Variants in RBFOX1 observed in about 807,000 individuals in gnomAD.
RBFOX1 encodes RNA binding fox-1 homolog 1, also known as RNA binding protein fox-1 homolog 1.
A neutral mutation model predicts 57.7 loss-of-function variants in RBFOX1; 8 were observed. The ratio of observed to expected loss-of-function variants is 0.14; its 90% CI spans 0.08 to 0.25. The LOEUF is 0.25. Among genes scored for constraint, RBFOX1 ranks in the 10% least tolerant of loss-of-function variants. The probability of loss-of-function intolerance (pLI) is 1.00; values close to 1 mark genes in which losing one functional copy is unlikely to be tolerated. For missense variants in RBFOX1, 611 were observed against 548.5 expected (o/e 1.11, Z -1.14); for synonymous variants, 326 against 222.4 (o/e 1.47, Z -4.15).
chr16:6,015,883 G>A (rs189606276), upstream of RBFOX1, among the ~76,000 whole-genome samples: 15 of 152,294 alleles, frequency 9.8e-5, no homozygotes, highest in African/African-American at 2.4e-4. Flanking sequence ...TGGACTGTAC[G>A]CTTCTCGAGT....
At chr16:6,346,777 C>A (rs1344905514) in intron 2 of RBFOX1, among the ~76,000 whole-genome samples, 1 of 152,124 alleles carries the variant, frequency 6.6e-6, no homozygotes, top group Non-Finnish European at 1.5e-5. Context: ...GTAATTGAGG[C>A]TTGTCTTGGG....
chr16:5,975,304 A>G (rs530571136), intron 4 of RBFOX1, among the ~76,000 whole-genome samples: 1 of 152,320 alleles, frequency 6.6e-6, no homozygotes, highest in African/African-American at 2.4e-5. Context: ...ATGTTGGAGC[A>G]ATACATCACC....
intron 3 of RBFOX1, among the ~76,000 whole-genome samples, chr16:6,682,071 G>A (rs1363153031): frequency 6.6e-6 from 1 of 152,108 alleles, no homozygotes; most frequent in Non-Finnish European, 1.5e-5. Context: ...AGTTTGTTTT[G>A]CCCAATAGAA....
At chr16:6,275,688 T>A (rs1685162093) in intron 1 of RBFOX1, among the ~76,000 whole-genome samples, 1 of 152,200 alleles carries the variant, frequency 6.6e-6, no homozygotes, top group African/African-American at 2.4e-5. Flanking sequence ...ACATACCTAT[T>A]TTTAAAAAAC....
At chr16:5,616,358 G>T (rs910685736) in intron 3 of RBFOX1, among the ~76,000 whole-genome samples, 7 of 152,248 alleles carry the variant, frequency 4.6e-5, no homozygotes, top group African/African-American at 1.7e-4. Context: ...CTCATCTCTG[G>T]GCCCAGCTTG....
chr16:6,018,719 G>A (rs991710169), upstream of RBFOX1, among the ~76,000 whole-genome samples: 16 of 152,182 alleles, frequency 1.1e-4, no homozygotes, highest in Non-Finnish European at 2.4e-4. Context: ...GGGGCAAGAA[G>A]CTGCCTCCAC....
chr16:5,573,404 T>G (rs918534112), intron 2 of RBFOX1, among the ~76,000 whole-genome samples: 1 of 152,184 alleles, frequency 6.6e-6, no homozygotes, highest in Admixed American at 6.5e-5. Flanking sequence ...TTTGGGTGCT[T>G]CTTAAAATGC....
intron 4 of RBFOX1, among the ~76,000 whole-genome samples, chr16:7,351,675 G>A (rs991974498): frequency 6.6e-6 from 1 of 151,994 alleles, no homozygotes; most frequent in Admixed American, 6.6e-5. Flanking sequence ...TTCGCTTCCT[G>A]GGTTTGCCTT....
At chr16:7,020,175 C>T (rs999390063) in intron 3 of RBFOX1, among the ~76,000 whole-genome samples, 3 of 152,068 alleles carry the variant, frequency 2.0e-5, no homozygotes, top group Non-Finnish European at 2.9e-5. Flanking sequence ...CTTTATACCT[C>T]TGTGTAAATC....
intron 4 of RBFOX1, among the ~76,000 whole-genome samples, chr16:5,901,925 G>T (rs1042789483): frequency 5.3e-5 from 8 of 151,974 alleles, no homozygotes; most frequent in African/African-American, 1.9e-4. Flanking sequence ...GCCTTCTTTG[G>T]TTCTCCACCT....
chr16:7,282,900 C>G (rs997710952), intron 4 of RBFOX1, among the ~76,000 whole-genome samples: 1 of 152,148 alleles, frequency 6.6e-6, no homozygotes, highest in Non-Finnish European at 1.5e-5. Flanking sequence ...GTTGCTGCAA[C>G]TGCGATTAAT....
chr16:7,394,065 A>T (rs1401701374), intron 4 of RBFOX1, among the ~76,000 whole-genome samples: 2 of 151,820 alleles, frequency 1.3e-5, no homozygotes, highest in Non-Finnish European at 2.9e-5. Context: ...GTGAAACCCC[A>T]TCTCTACGAA....
chr16:6,849,826 C>G (rs1455036357), intron 3 of RBFOX1, among the ~76,000 whole-genome samples: 2 of 152,180 alleles, frequency 1.3e-5, no homozygotes, highest in African/African-American at 2.4e-5. Context: ...CTCTCTCCCT[C>G]TTTTCTTTGT....
intron 1 of RBFOX1, chr16:5,270,067 G>C (rs2062966833): frequency 5.0e-6 from 1 of 200,376 alleles, no homozygotes; most frequent in African/African-American, 2.4e-5. Context: ...GACTGAGGTG[G>C]GCAGATCACT....
intron 3 of RBFOX1, among the ~76,000 whole-genome samples, chr16:5,848,354 C>G (rs1030045104): frequency 2.0e-5 from 3 of 152,178 alleles, no homozygotes; most frequent in Admixed American, 6.5e-5. Context: ...GGCTCTGGAT[C>G]TCTGGTCTCT....
At chr16:7,019,776 G>A (rs2094113064) in intron 3 of RBFOX1, among the ~76,000 whole-genome samples, 1 of 152,144 alleles carries the variant, frequency 6.6e-6, no homozygotes, top group African/African-American at 2.4e-5. Flanking sequence ...GGTTTAGCTT[G>A]TACAAGGAAA....
intron 2 of RBFOX1, among the ~76,000 whole-genome samples, chr16:6,392,966 C>G (rs145502030): frequency 2.0e-5 from 3 of 152,164 alleles, no homozygotes; most frequent in African/African-American, 4.8e-5. Context: ...TTCATAATTG[C>G]TTGTTTCAAG....
chr16:6,548,186 G>T (rs575335306), intron 2 of RBFOX1, among the ~76,000 whole-genome samples: 1 of 142,930 alleles, frequency 7.0e-6, no homozygotes, highest in South Asian at 2.1e-4. Flanking sequence ...TGAGTCTTGG[G>T]TATTGCCATC....
intron 1 of RBFOX1, among the ~76,000 whole-genome samples, chr16:5,254,614 C>G (rs760137310): frequency 6.6e-6 from 1 of 152,156 alleles, no homozygotes; most frequent in Admixed American, 6.5e-5. Context: ...TTTCTCTGTT[C>G]GAGATTGCTT....
Sources: gnomAD v4.1 joint callset for allele counts (sites outside exome capture counted in the v4.1 genomes callset) on GRCh38, gnomAD v4.1.1 for gene constraint, MANE v1.5 for transcripts, NCBI Gene and HGNC (gene_info 2026-07-23, HGNC 2026-07-21) for gene names.